UBE2D2: variants seen among roughly 807,000 people sequenced by gnomAD.
UBE2D2 encodes ubiquitin conjugating enzyme E2 D2, also known as ubiquitin-conjugating enzyme E2 D2.
A neutral mutation model predicts 24.2 loss-of-function variants in UBE2D2; 2 were observed. The observed-to-expected ratio is 0.08, with a 90% CI of 0.03 to 0.26. UBE2D2 has a LOEUF of 0.26. Ranked by LOEUF, UBE2D2 falls within the 10% of genes least tolerant of loss-of-function variation. The pLI is 1.00. For missense variants in UBE2D2, 44 were observed against 177.6 expected, an observed-to-expected ratio of 0.25 and a Z score of 4.28; for synonymous variants, 58 against 56.5, an observed-to-expected ratio of 1.03 and a Z score of -0.12.
At chr5:139,561,269 C>T (rs1047271134), upstream of UBE2D2, 1 of 151,784 alleles carries the variant, frequency 6.6e-6, no homozygotes, top group Non-Finnish European at 1.5e-5. Context: ...GCTCGGCCCT[C>T]CCTCCCCTGG....
chr5:139,593,487 T>C (rs1248760551), intron 1 of UBE2D2, among the ~76,000 whole-genome samples: 5 of 152,122 alleles, frequency 3.3e-5, no homozygotes, highest in Admixed American at 3.3e-4. Flanking sequence ...TATTTTAATA[T>C]ATGTTTTAAT....
At chr5:139,568,539 T>C (rs1581497582) in intron 1 of UBE2D2, among the ~76,000 whole-genome samples, 1 of 151,896 alleles carries the variant, frequency 6.6e-6, no homozygotes, top group Admixed American at 6.6e-5. Context: ...GTGCCTGTAG[T>C]CCCAGCTATT....
At chr5:139,562,540 A>G (rs1753133982) in intron 1 of UBE2D2, 2 of 980,428 alleles carry the variant, frequency 2.0e-6, no homozygotes, top group African/African-American at 1.7e-5. Flanking sequence ...TGGCAAAGGT[A>G]GAGGTAGAAA....
At chr5:139,564,831 G>C (rs971864064) in intron 1 of UBE2D2, among the ~76,000 whole-genome samples, 1 of 152,128 alleles carries the variant, frequency 6.6e-6, no homozygotes, top group African/African-American at 2.4e-5. Context: ...AGTATGGCTT[G>C]ACTTCTCTGA....
intron 2 of UBE2D2, among the ~76,000 whole-genome samples, chr5:139,612,607 G>T (rs1016295881): frequency 6.6e-6 from 1 of 152,202 alleles, no homozygotes; most frequent in Admixed American, 6.5e-5. Flanking sequence ...AAAGAATTAA[G>T]TAGAAGAACA....
chr5:139,581,892 C>T lies in UBE2D2; in HGVS notation c.25-18480C>T, dbSNP rs1753611589. Among the ~76,000 whole-genome samples, 3 of 152,162 alleles carry T rather than the reference C, an allele frequency of 2.0e-5. No homozygotes were observed. In the South Asian group the frequency reaches 6.2e-4, roughly 32 times the overall value. On this transcript the variant is annotated intron_variant, in intron 1 of 6. Transcript: ENST00000398733. The stretch of plus-strand genomic sequence containing the variant: ...CTATGTTGGTCAGGCTGGTTTCAAA[C>T]TCCTGACCTTGTGATCTGGCCGCCA...
At chr5:139,565,960 C>G (rs1157241139) in intron 1 of UBE2D2, among the ~76,000 whole-genome samples, 1 of 151,920 alleles carries the variant, frequency 6.6e-6, no homozygotes, top group Non-Finnish European at 1.5e-5. Context: ...GTTTGGCATA[C>G]ATAGCTTTCA....
At chr5:139,553,551 T>G (rs1376271137) in intron 1 of UBE2D2, among the ~76,000 whole-genome samples, 1 of 152,114 alleles carries the variant, frequency 6.6e-6, no homozygotes, top group Non-Finnish European at 1.5e-5. Context: ...GAGATCAAAC[T>G]CCAGGAACAT....
chr5:139,603,450 C>CT (rs1051344748), intron 2 of UBE2D2, among the ~76,000 whole-genome samples: 2 of 151,638 alleles, frequency 1.3e-5, no homozygotes, highest in African/African-American at 2.4e-5. Flanking sequence ...TGGTGAAACC[C>CT]TGTCTCTACT....
chr5:139,578,588 G>A (rs959630386), intron 1 of UBE2D2, among the ~76,000 whole-genome samples: 3 of 151,980 alleles, frequency 2.0e-5, no homozygotes, highest in African/African-American at 7.3e-5. Flanking sequence ...CAGTAGCTGG[G>A]ACAGCAGGTG....
chr5:139,609,036 A>G (rs1184638922), intron 2 of UBE2D2, among the ~76,000 whole-genome samples: 1 of 151,972 alleles, frequency 6.6e-6, no homozygotes, highest in Non-Finnish European at 1.5e-5. Flanking sequence ...GCAGTGAGCA[A>G]AGATCGCACC....
intron 2 of UBE2D2, among the ~76,000 whole-genome samples, chr5:139,608,990 G>C (rs973334777): frequency 2.6e-5 from 4 of 151,862 alleles, no homozygotes; most frequent in Admixed American, 2.0e-4. Flanking sequence ...AGGGAGCTGA[G>C]GCAGGAGAAT....
At chr5:139,605,364 G>A (rs1243066523) in intron 2 of UBE2D2, among the ~76,000 whole-genome samples, 1 of 151,896 alleles carries the variant, frequency 6.6e-6, no homozygotes, top group Admixed American at 6.6e-5. Flanking sequence ...AGGCCGAGGC[G>A]GGCGGATCAC....
At chr5:139,530,305 G>C (rs1752585791) in intron 1 of UBE2D2, among the ~76,000 whole-genome samples, 1 of 152,184 alleles carries the variant, frequency 6.6e-6, no homozygotes, top group African/African-American at 2.4e-5. Flanking sequence ...ACAGGTAGCT[G>C]TATAATTGGC....
chr5:139,622,763 G>T (rs1350560990), intron 5 of UBE2D2, among the ~76,000 whole-genome samples: 2 of 151,242 alleles, frequency 1.3e-5, no homozygotes, highest in African/African-American at 2.4e-5. Context: ...GGTGGCGGGT[G>T]CCTGTAGTCC....
At chr5:139,560,036 T>G (rs1753039743), upstream of UBE2D2, among the ~76,000 whole-genome samples, 1 of 125,694 alleles carries the variant, frequency 8.0e-6, no homozygotes, top group Non-Finnish European at 1.7e-5. Flanking sequence ...ACGAGGTTGG[T>G]TTTTTTTTTT....
upstream of UBE2D2, among the ~76,000 whole-genome samples, chr5:139,559,184 T>C (rs1436030023): frequency 6.6e-6 from 1 of 152,034 alleles, no homozygotes; most frequent in Non-Finnish European, 1.5e-5. Flanking sequence ...CCCAGCACTT[T>C]GGGAGGCCGA....
chr5:139,534,154 C>T (rs1355286335), intron 1 of UBE2D2, among the ~76,000 whole-genome samples: 1 of 151,904 alleles, frequency 6.6e-6, no homozygotes. Flanking sequence ...TATTACAGGC[C>T]AGGCACAGTG....
At chr5:139,562,203 T>G (rs774082872) in intron 1 of UBE2D2, 2 of 1,380,158 alleles carry the variant, frequency 1.4e-6, no homozygotes. Context: ...CGAAAGGGCT[T>G]CTCGCCCCAT....
Sources: allele counts gnomAD v4.1 joint callset (sites outside exome capture counted in the v4.1 genomes callset), GRCh38; gene constraint gnomAD v4.1.1; transcripts MANE v1.5; gene names NCBI Gene and HGNC (gene_info 2026-07-23, HGNC 2026-07-21).